Variants in GSE1 observed in about 807,000 individuals in gnomAD.
The protein encoded by GSE1 is Gse1 coiled-coil protein.
GSE1 carries 32 observed loss-of-function variants against 112.6 expected under a neutral mutation model. That is an observed-to-expected ratio of 0.28 (90% CI 0.21 to 0.38). GSE1 has a LOEUF of 0.38. Among genes scored for constraint, GSE1 ranks in the 10% least tolerant of loss-of-function variants. The probability of loss-of-function intolerance (pLI) is 1.00; values close to 1 mark genes in which losing one functional copy is unlikely to be tolerated. For synonymous variants in GSE1, 1,115 were observed against 735.6 expected (o/e 1.52, Z -8.35); for missense variants, 2,348 against 1,699.2 (o/e 1.38, Z -6.71).
chr16:85,483,981 C>T (rs761294063), intron 2 of GSE1, among the ~76,000 whole-genome samples: 3 of 152,196 alleles, frequency 2.0e-5, no homozygotes, highest in Non-Finnish European at 2.9e-5. Flanking sequence ...ACCTCCTCAG[C>T]GACCCTCCCC....
chr16:85,663,246 C>T lies in GSE1; in HGVS notation c.2374-98C>T, dbSNP rs557873829. The T allele has an allele frequency of 2.0e-4, 275 of 1,408,820 alleles. 1 individual carries two copies. In the African/African-American group the frequency reaches 3.2e-3, roughly 17 times the overall value. 87.3% of individuals were successfully genotyped at this position (1,408,820 alleles called of 1,614,324 possible). ...TTCTCCCACCAGGCGCAGCCAGCTA[C>T]GGCCCACACTTCGAGGACCCCAGGA... On this transcript the variant is annotated intron_variant, in intron 10 of 15. Coordinates refer to ENST00000253458, the MANE Select transcript of GSE1 (RefSeq NM_014615.5).
intron 1 of GSE1, among the ~76,000 whole-genome samples, chr16:85,248,320 C>G (rs932424714): frequency 6.6e-6 from 1 of 152,166 alleles, no homozygotes; most frequent in African/African-American, 2.4e-5. Context: ...CTGGGTCCTT[C>G]TGTGTCCTGT....
chr16:85,202,457 A>G (rs868448998), intron 1 of GSE1, among the ~76,000 whole-genome samples: 1 of 152,140 alleles, frequency 6.6e-6, no homozygotes, highest in South Asian at 2.1e-4. Context: ...TTTTGTAGAG[A>G]CAGGGTCTCA....
At chr16:85,316,903 A>G (rs2045997740) in intron 1 of GSE1, among the ~76,000 whole-genome samples, 1 of 152,106 alleles carries the variant, frequency 6.6e-6, no homozygotes, top group South Asian at 2.1e-4. Flanking sequence ...GAGTGGAAAA[A>G]CTGAGTGGGC....
chr16:85,326,168 C>T (rs2046224551), intron 1 of GSE1, among the ~76,000 whole-genome samples: 1 of 152,148 alleles, frequency 6.6e-6, no homozygotes, highest in South Asian at 2.1e-4. Flanking sequence ...ATCGGTGCCC[C>T]CCTGGCTCGT....
intron 2 of GSE1, among the ~76,000 whole-genome samples, chr16:85,465,723 T>C (rs895005729): frequency 6.6e-6 from 1 of 152,242 alleles, no homozygotes; most frequent in Non-Finnish European, 1.5e-5. Context: ...CTCAGTGGAA[T>C]TCATACATTT....
intron 1 of GSE1, among the ~76,000 whole-genome samples, chr16:85,557,280 C>A (rs948911394): frequency 3.9e-5 from 6 of 152,176 alleles, no homozygotes; most frequent in Admixed American, 2.6e-4. Context: ...CCACGTGACG[C>A]AGGTCAGGAA....
In GSE1 at chr16:85,534,411, C is replaced by G. The variant is rs563982866; in HGVS notation, c.2465-99503C>G. Among the ~76,000 whole-genome samples the G allele has an allele frequency of 5.9e-5, 9 of 152,244 alleles. 1 individual carries two copies. In the South Asian group the frequency reaches 1.9e-3, roughly 32 times the overall value. ...TGCTGGGATTACAGGACTGAGCCAC[C>G]ACGCCCGGCCAATTTCTTTTTTTAA... On this transcript the variant is annotated intron_variant, in intron 2 of 2. Transcript: ENST00000637419.
chr16:85,470,602 C>T (rs892306235), intron 2 of GSE1, among the ~76,000 whole-genome samples: 2 of 152,210 alleles, frequency 1.3e-5, no homozygotes, highest in Admixed American at 6.5e-5. Context: ...AATTGCTCTG[C>T]ACCTCAAGGG....
At chr16:85,186,866 G>A (rs1444299475) in intron 1 of GSE1, among the ~76,000 whole-genome samples, 1 of 152,240 alleles carries the variant, frequency 6.6e-6, no homozygotes, top group South Asian at 2.1e-4. Context: ...AAATAGCAGC[G>A]ATGGTTGCCA....
At chr16:85,298,950 C>T (rs567888612) in intron 1 of GSE1, among the ~76,000 whole-genome samples, 1 of 152,142 alleles carries the variant, frequency 6.6e-6, no homozygotes, top group Non-Finnish European at 1.5e-5. Flanking sequence ...GTGGCTGTCC[C>T]CAGTCACCTG....
At chr16:85,258,743 C>T (rs1020046979) in intron 1 of GSE1, among the ~76,000 whole-genome samples, 1 of 152,220 alleles carries the variant, frequency 6.6e-6, no homozygotes, top group Non-Finnish European at 1.5e-5. Flanking sequence ...ATGCACTCCT[C>T]CAGGAGGGAC....
At chr16:85,574,196 G>A (rs1598240933) in intron 1 of GSE1, among the ~76,000 whole-genome samples, 1 of 152,216 alleles carries the variant, frequency 6.6e-6, no homozygotes, top group Non-Finnish European at 1.5e-5. Context: ...AGCCATTGAG[G>A]GCCGGCCGTG....
intron 2 of GSE1, among the ~76,000 whole-genome samples, chr16:85,487,664 C>T (rs1439867168): frequency 2.0e-5 from 3 of 152,182 alleles, no homozygotes; most frequent in African/African-American, 4.8e-5. Flanking sequence ...CGCGATACAA[C>T]CTTGATGGCG....
At chr16:85,506,641 G>T (rs1361594089) in intron 2 of GSE1, among the ~76,000 whole-genome samples, 1 of 152,130 alleles carries the variant, frequency 6.6e-6, no homozygotes, top group African/African-American at 2.4e-5. Flanking sequence ...CTTATATGTA[G>T]AGGGGGTGTG....
chr16:85,312,967 C>A (rs1199019545), intron 1 of GSE1, among the ~76,000 whole-genome samples: 1 of 152,028 alleles, frequency 6.6e-6, no homozygotes, highest in African/African-American at 2.4e-5. Context: ...ATGAAGCGGG[C>A]CTCAGGGCCA....
chr16:85,422,252 A>G (rs2048862391), intron 2 of GSE1, among the ~76,000 whole-genome samples: 2 of 152,180 alleles, frequency 1.3e-5, no homozygotes, highest in South Asian at 4.1e-4. Context: ...CGTTGACATT[A>G]TCGGCATGAA....
intron 2 of GSE1, among the ~76,000 whole-genome samples, chr16:85,481,611 C>T (rs545465689): frequency 2.6e-5 from 4 of 152,134 alleles, no homozygotes; most frequent in Non-Finnish European, 4.4e-5. Context: ...AATTGATGTC[C>T]GTTTTCTGGA....
At chr16:85,392,880 C>T (rs553916303) in intron 2 of GSE1, among the ~76,000 whole-genome samples, 51 of 152,346 alleles carry the variant, frequency 3.3e-4, no homozygotes, top group Non-Finnish European at 6.8e-4. Context: ...GGGATGCCCT[C>T]CGAGGTCTCT....
Sources: gnomAD v4.1 joint callset for allele counts (sites outside exome capture counted in the v4.1 genomes callset) on GRCh38, gnomAD v4.1.1 for gene constraint, MANE v1.5 for transcripts, NCBI Gene and HGNC (gene_info 2026-07-23, HGNC 2026-07-21) for gene names.